NCKAP1L: variants seen among roughly 807,000 people sequenced by gnomAD.
The protein encoded by NCKAP1L is nck-associated protein 1-like.
A neutral mutation model predicts 139.2 loss-of-function variants in NCKAP1L; 53 were observed. That is an observed-to-expected ratio of 0.38 (90% CI 0.31 to 0.48). NCKAP1L has a LOEUF of 0.48. Ranked by LOEUF, NCKAP1L falls within the 20% of genes least tolerant of loss-of-function variation. NCKAP1L has a pLI of 0.98. For synonymous variants in NCKAP1L, 468 were observed against 499.7 expected (o/e 0.94, Z 0.85); for missense variants, 1,151 against 1,381.9 (o/e 0.83, Z 2.65).
intron 5 of NCKAP1L, among the ~76,000 whole-genome samples, chr12:54,508,761 G>A (rs1178693796): frequency 6.6e-6 from 1 of 152,156 alleles, no homozygotes; most frequent in Non-Finnish European, 1.5e-5. Flanking sequence ...ACCAAACATG[G>A]ATTGAAAATG....
chr12:54,524,705 C>T (rs1957013543), intron 20 of NCKAP1L, among the ~76,000 whole-genome samples: 1 of 152,090 alleles, frequency 6.6e-6, no homozygotes, highest in African/African-American at 2.4e-5. Flanking sequence ...CCTCTGCCTC[C>T]ATGCTTACTT....
In NCKAP1L at chr12:54,516,322, A is replaced by C. The variant is rs924987626; in HGVS notation, c.998+27A>C. 19 of 1,603,086 alleles carry C rather than the reference A, an allele frequency of 1.2e-5. No individual in the cohort carries two copies. In the Admixed American group the frequency reaches 2.5e-4, roughly 21 times the overall value. On this transcript the variant is annotated intron_variant, in intron 10 of 30. Transcript: ENST00000293373. ...TAAAGGGTGGTGAATGCACTCTCTG[A>C]GAGGGGATGGAATAGGAATCTCTTC...
At chr12:54,510,976 G>A (rs1482906229) in intron 7 of NCKAP1L, among the ~76,000 whole-genome samples, 1 of 152,164 alleles carries the variant, frequency 6.6e-6, no homozygotes, top group Non-Finnish European at 1.5e-5. Flanking sequence ...ATTAATAAAT[G>A]TTTTTGTTTG....
At position 54,500,531 on chromosome 12, in the gene NCKAP1L, A is replaced by G. The variant is rs1179277523; in HGVS notation, c.214-2A>G. On this transcript the variant is annotated splice_acceptor_variant, in intron 2 of 30. Transcript: ENST00000293373. LOFTEE classifies it high-confidence loss of function. Reference sequence around the variant, plus strand: ...TATTGTTTTGTTTTGTGTTTCTCTCAGCAACATTTAGGACCAGTACATCGT... The same window carrying G: ...TATTGTTTTGTTTTGTGTTTCTCTCGGCAACATTTAGGACCAGTACATCGT... 3 of 1,604,612 alleles carry G rather than the reference A, an allele frequency of 1.9e-6. No homozygotes were observed. Among genetic ancestry groups the G allele is most frequent in the Non-Finnish European group, 2.6e-6 (3 of 1,171,494 alleles).
At chr12:54,506,796 A>AAAAAAATATATATATAT in intron 3 of NCKAP1L, among the ~76,000 whole-genome samples, 81 of 50,594 alleles carry the variant, frequency 1.6e-3, no homozygotes, top group East Asian at 9.7e-3. Flanking sequence ...AAAAAAAAAA[A>AAAAAAATATATATATAT]ATATATATAT....
chr12:54,498,703 G>T lies in NCKAP1L; in HGVS notation c.103-652G>T, dbSNP rs183143514. ...GAACAAAATTGTGACACTGAATCTT[G>T]TACAAAGTCTAACTCCTGAGCAGCT... On this transcript the variant is annotated intron_variant, in intron 1 of 30. Transcript: ENST00000293373. 33 of 784,908 alleles carry T rather than the reference G, an allele frequency of 4.2e-5. No individual in the cohort carries two copies. In the Admixed American group the frequency reaches 5.0e-4, roughly 12 times the overall value. The allele number at this position is 784,908 out of a possible 1,614,324, so 48.6% of individuals were successfully genotyped here.
chr12:54,534,377 C>T (rs1001674640), intron 26 of NCKAP1L, among the ~76,000 whole-genome samples: 4 of 152,170 alleles, frequency 2.6e-5, no homozygotes, highest in African/African-American at 7.2e-5. Flanking sequence ...CTTTTTGCTC[C>T]CTTCACTATG....
chr12:54,520,995 C>T, intron 17 of NCKAP1L, 124 bp from the exon 18 acceptor site: 1 of 1,524,882 alleles, frequency 6.6e-7, no homozygotes, highest in Non-Finnish European at 9.0e-7. Context: ...GCCTCAGTTT[C>T]TTCTTCTGTA....
chr12:54,524,019 T>C, intron 20 of NCKAP1L, 63 bp downstream of exon 20: 11 of 1,530,308 alleles, frequency 7.2e-6, no homozygotes, highest in Non-Finnish European at 9.7e-6. Context: ...TATACCTCTA[T>C]GTGTAGTATG....
At chr12:54,511,928 G>A (rs368436432) in intron 8 of NCKAP1L, 21 bp from the exon 9 acceptor site, 89 of 1,614,046 alleles carry the variant, frequency 5.5e-5, no homozygotes, top group Non-Finnish European at 7.5e-5. Context: ...GTCTTCCTCT[G>A]CACTGTTTTC....
At chr12:54,501,692 G>A (rs1280263142) in intron 3 of NCKAP1L, among the ~76,000 whole-genome samples, 1 of 152,096 alleles carries the variant, frequency 6.6e-6, no homozygotes. Context: ...TTTTTGTAGA[G>A]ATGGGGTATC....
chr12:54,538,416 G>A (rs1010598026), intron 29 of NCKAP1L, among the ~76,000 whole-genome samples: 1 of 152,216 alleles, frequency 6.6e-6, no homozygotes, highest in Admixed American at 6.5e-5. Flanking sequence ...TTGATCCTTT[G>A]GGGGTTTGGG....
Position 54,507,710 on chromosome 12 carries a change from C to G in NCKAP1L, c.307-143C>G, listed in dbSNP as rs1171862760. The G allele has an allele frequency of 4.0e-6, 3 of 743,104 alleles. No homozygotes were observed. The East Asian group carries it at 7.5e-5, about 18-fold the overall frequency. The allele number at this position is 743,104 out of a possible 1,614,324, so 46.0% of individuals were successfully genotyped here. The stretch of plus-strand genomic sequence containing the variant: ...GTGGCTTACTGAGGAGGAACTTCCT[C>G]CCTCTTTTTCACAGTGACTTTTCTC... On this transcript the variant is annotated intron_variant, in intron 3 of 30. Transcript: ENST00000293373.
chr12:54,524,758 G>C, intron 20 of NCKAP1L, among the ~76,000 whole-genome samples: 1 of 152,202 alleles, frequency 6.6e-6, no homozygotes, highest in South Asian at 2.1e-4. Context: ...AGCAGAATAC[G>C]TAGTAGATTA....
rs539552960 is a variant in NCKAP1L, at chr12:54,543,051, G to A, written c.*366G>A. 1.0e-5 allele frequency: 2 copies of A among 191,582 alleles called. No individual in the cohort carries two copies. Among genetic ancestry groups the A allele is most frequent in the African/African-American group, 4.6e-5 (2 of 43,132 alleles). 11.9% of individuals were successfully genotyped at this position (191,582 alleles called of 1,614,324 possible). A position where few individuals can be genotyped will look rare whatever the true frequency, so the allele number is the denominator to read the frequency against. ...CCTTCATCACTATTCTTAGGATAATGCTGGCGGGCAGAGATGATCAATCAT... is the reference window on the plus strand; with the variant it reads ...CCTTCATCACTATTCTTAGGATAATACTGGCGGGCAGAGATGATCAATCAT... On this transcript the variant is annotated 3_prime_UTR_variant, in exon 31 of 31. Coordinates refer to ENST00000293373, the MANE Select transcript of NCKAP1L (RefSeq NM_005337.5).
At chr12:54,499,277 A>G (rs1266260734) in intron 1 of NCKAP1L, 78 bp from the exon 2 acceptor site, 2 of 861,706 alleles carry the variant, frequency 2.3e-6, no homozygotes, top group Non-Finnish European at 3.9e-6. Context: ...ACAGATTATG[A>G]GAATGAATGT....
intron 22 of NCKAP1L, among the ~76,000 whole-genome samples, chr12:54,530,719 A>G (rs901082665): frequency 2.6e-5 from 4 of 152,216 alleles, no homozygotes; most frequent in Non-Finnish European, 5.9e-5. Flanking sequence ...CTGTAAAACC[A>G]CGATGATCCT....
At chr12:54,504,917 A>G (rs947611781) in intron 3 of NCKAP1L, among the ~76,000 whole-genome samples, 1 of 152,196 alleles carries the variant, frequency 6.6e-6, no homozygotes, top group Non-Finnish European at 1.5e-5. Context: ...GCGTAGTGAC[A>G]TTGGTTGTGT....
intron 27 of NCKAP1L, among the ~76,000 whole-genome samples, chr12:54,535,501 G>A (rs943641757): frequency 2.6e-5 from 4 of 152,282 alleles, no homozygotes; most frequent in Admixed American, 2.6e-4. Context: ...TTTACAATCT[G>A]GTTGGGAAAA....
Sources: gnomAD v4.1 joint callset for allele counts (sites outside exome capture counted in the v4.1 genomes callset) on GRCh38, gnomAD v4.1.1 for gene constraint, MANE v1.5 for transcripts, NCBI Gene and HGNC (gene_info 2026-07-23, HGNC 2026-07-21) for gene names.